Variants in SH3TC2 observed in about 807,000 individuals in gnomAD.
SH3TC2 encodes the protein SH3 domain and tetratricopeptide repeats 2, also known as SH3 domain and tetratricopeptide repeat-containing protein 2.
A neutral mutation model predicts 124.5 loss-of-function variants in SH3TC2; 87 were observed. That is an observed-to-expected ratio of 0.70 (90% CI 0.59 to 0.84). The LOEUF (loss-of-function observed/expected upper bound fraction) is 0.84, where lower values mean the gene tolerates loss of function less well. Among genes scored for constraint, SH3TC2 ranks in the 40% least tolerant of loss-of-function variants. The pLI is 0.00. For missense variants in SH3TC2, 1,536 were observed against 1,566.4 expected, an observed-to-expected ratio of 0.98 and a Z score of 0.33; for synonymous variants, 634 against 628.5, an observed-to-expected ratio of 1.01 and a Z score of -0.13.
At chr5:149,030,508 A>C (rs1008935235) in intron 9 of SH3TC2, among the ~76,000 whole-genome samples, 1 of 152,220 alleles carries the variant, frequency 6.6e-6, no homozygotes, top group Non-Finnish European at 1.5e-5. Context: ...AGTACACCTC[A>C]ATTTTCAGAC....
chr5:149,008,754 C>G (rs1753733051), intron 15 of SH3TC2, 97 bp downstream of exon 15: 2 of 1,550,968 alleles, frequency 1.3e-6, no homozygotes, highest in African/African-American at 1.4e-5. Flanking sequence ...TGAACCCACA[C>G]AGTCTGACTC....
At chr5:149,042,625 G>A (rs749511726) in intron 5 of SH3TC2, 69 bp downstream of exon 5, 191 of 1,591,884 alleles carry the variant, frequency 1.2e-4, no homozygotes, top group Non-Finnish European at 1.6e-4. Flanking sequence ...TTTGCATCCT[G>A]CTTATTTCAT....
In SH3TC2 at chr5:149,001,242, G is replaced by A. The variant is rs1385899367; in HGVS notation, c.*3469C>T. On this transcript the variant is annotated 3_prime_UTR_variant, in exon 17 of 17. Coordinates refer to ENST00000515425, the MANE Select transcript of SH3TC2 (RefSeq NM_024577.4). ...CTTAAAATAATGGAAAAGCAAATAA[G>A]AAAAGGACAAAAGCAATATTGGATT... 1 of 152,086 alleles carries A rather than the reference G, an allele frequency of 6.6e-6. No individual in the cohort carries two copies. Among genetic ancestry groups the A allele is most frequent in the Non-Finnish European group, 1.5e-5 (1 of 68,014 alleles). 9.4% of individuals were successfully genotyped at this position (152,086 alleles called of 1,614,324 possible).
intron 1 of SH3TC2, among the ~76,000 whole-genome samples, chr5:149,059,628 T>C (rs1210659430): frequency 2.0e-5 from 3 of 151,284 alleles, no homozygotes; most frequent in East Asian, 3.9e-4. Flanking sequence ...TGAATATATC[T>C]TAGATGATAA....
intron 16 of SH3TC2, among the ~76,000 whole-genome samples, chr5:149,005,701 G>A (rs1753676056): frequency 6.6e-6 from 1 of 152,140 alleles, no homozygotes; most frequent in Non-Finnish European, 1.5e-5. Context: ...AGGCTGCCTG[G>A]TTTCCATTAA....
At chr5:149,007,145 T>C (rs779578379) in intron 15 of SH3TC2, 68 bp from the exon 16 acceptor site, 2 of 1,526,146 alleles carry the variant, frequency 1.3e-6, no homozygotes, top group Admixed American at 1.7e-5. Context: ...CACTCATTCA[T>C]TCCATAAAAC....
At chr5:149,036,448 G>T (rs1754284961) in intron 8 of SH3TC2, among the ~76,000 whole-genome samples, 1 of 152,084 alleles carries the variant, frequency 6.6e-6, no homozygotes, top group Non-Finnish European at 1.5e-5. Flanking sequence ...CCTCTGCTCT[G>T]TAAATGGAGG....
At chr5:149,043,213 A>T (rs1036608243) in intron 4 of SH3TC2, among the ~76,000 whole-genome samples, 4 of 152,102 alleles carry the variant, frequency 2.6e-5, no homozygotes, top group African/African-American at 9.7e-5. Context: ...TCCTGACCTG[A>T]GGTTCAAACT....
rs192564488 is a variant in SH3TC2, at chr5:148,997,888, C to T, written c.*6823G>A. 2.0e-5 allele frequency among the ~76,000 whole-genome samples: 3 copies of T among 152,254 alleles called. No individual in the cohort carries two copies. The highest frequency in any genetic ancestry group is 7.2e-5 in the African/African-American group (3 of 41,546). On this transcript the variant is annotated 3_prime_UTR_variant, in exon 17 of 17. Coordinates refer to ENST00000515425, the MANE Select transcript of SH3TC2 (RefSeq NM_024577.4). The stretch of plus-strand genomic sequence containing the variant: ...CAAAGGTTTTGCATGAGACTTAATG[C>T]ATAAAACACATTAACCTCAACTGTT...
intron 9 of SH3TC2, among the ~76,000 whole-genome samples, chr5:149,029,212 A>T (rs370433272): frequency 1.3e-5 from 2 of 152,182 alleles, no homozygotes; most frequent in Non-Finnish European, 2.9e-5. Flanking sequence ...TTCATTCATG[A>T]TTCATCCACT....
intron 16 of SH3TC2, 106 bp from the exon 17 acceptor site, chr5:149,005,008 G>A: frequency 7.5e-7 from 1 of 1,324,958 alleles, no homozygotes; most frequent in Non-Finnish European, 1.1e-6. Context: ...TTGTTTGTTT[G>A]TTTGTTTGTT....
intron 1 of SH3TC2, among the ~76,000 whole-genome samples, chr5:149,054,360 T>C (rs919632570): frequency 1.3e-5 from 2 of 152,210 alleles, no homozygotes; most frequent in Non-Finnish European, 2.9e-5. Flanking sequence ...TTTGAAACTT[T>C]ATTTTACCTA....
At chr5:149,037,099 G>C (rs1754295382) in intron 8 of SH3TC2, among the ~76,000 whole-genome samples, 1 of 152,138 alleles carries the variant, frequency 6.6e-6, no homozygotes, top group South Asian at 2.1e-4. Flanking sequence ...GGCATTCCCA[G>C]GTTTCCAGAG....
rs185164450 is a variant in SH3TC2 at position 148,998,241 on chromosome 5, A to G, written c.*6470T>C. Among the ~76,000 whole-genome samples the G allele has an allele frequency of 5.7e-3, 875 of 152,278 alleles. 13 individuals are homozygous for G. Among genetic ancestry groups the G allele is most frequent in the African/African-American group, 0.02 (851 of 41,540 alleles). On this transcript the variant is annotated 3_prime_UTR_variant, in exon 17 of 17. Transcript: ENST00000515425. ...AAATGCATTTCTTACTGTGGGCCAC[A>G]ACAACAACAACATAACAACAAAAAA...
intron 7 of SH3TC2, among the ~76,000 whole-genome samples, chr5:149,039,700 G>C (rs949804249): frequency 1.3e-5 from 2 of 152,138 alleles, no homozygotes; most frequent in African/African-American, 4.8e-5. Context: ...TAATGAGGAA[G>C]TTGCAACATA....
At chr5:149,051,477 G>T (rs1437913921) in intron 2 of SH3TC2, among the ~76,000 whole-genome samples, 1 of 151,978 alleles carries the variant, frequency 6.6e-6, no homozygotes, top group Non-Finnish European at 1.5e-5. Context: ...TTTGAGGCAG[G>T]GTCTCACTCT....
At chr5:149,024,117 G>T (rs1053122768) in intron 12 of SH3TC2, among the ~76,000 whole-genome samples, 2 of 152,140 alleles carry the variant, frequency 1.3e-5, no homozygotes, top group Non-Finnish European at 2.9e-5. Flanking sequence ...CAAAAAGCCT[G>T]CCTCCAAGCT....
rs886060192 is a variant in SH3TC2 at position 149,004,501 on chromosome 5, G to T, written c.*210C>A. ...AACCGGTAAAGGCTCCAGATGCAAAGCCTGGAACCAGGAATTCTCATCGCT... is the reference window on the plus strand; with the variant it reads ...AACCGGTAAAGGCTCCAGATGCAAATCCTGGAACCAGGAATTCTCATCGCT... On this transcript the variant is annotated 3_prime_UTR_variant, in exon 17 of 17. Transcript: ENST00000515425. The T allele has an allele frequency of 3.3e-5, 20 of 600,356 alleles. No individual in the cohort carries two copies. The highest frequency in any genetic ancestry group is 5.8e-5 in the Non-Finnish European group (20 of 343,570). The allele number at this position is 600,356 out of a possible 1,614,324, so 37.2% of individuals were successfully genotyped here.
At chr5:149,024,432 C>T (rs1013725997) in intron 12 of SH3TC2, among the ~76,000 whole-genome samples, 1 of 152,058 alleles carries the variant, frequency 6.6e-6, no homozygotes, top group Non-Finnish European at 1.5e-5. Context: ...CAGAGGCACC[C>T]TAGAAAGCCC....
Sources: gnomAD v4.1 joint callset for allele counts (sites outside exome capture counted in the v4.1 genomes callset) on GRCh38, gnomAD v4.1.1 for gene constraint, MANE v1.5 for transcripts, NCBI Gene and HGNC (gene_info 2026-07-23, HGNC 2026-07-21) for gene names.